Variants in SGCD observed in about 807,000 individuals in gnomAD.
SGCD encodes delta-sarcoglycan.
SGCD carries 18 observed loss-of-function variants against 36.6 expected under a neutral mutation model. The ratio of observed to expected loss-of-function variants is 0.49; its 90% CI spans 0.34 to 0.73. The LOEUF is 0.73. Among genes scored for constraint, SGCD ranks in the 30% least tolerant of loss-of-function variants. The pLI is 0.01. For missense variants in SGCD, 387 were observed against 346.7 expected (o/e 1.12, Z -0.92); for synonymous variants, 133 against 130.6 (o/e 1.02, Z -0.12).
chr5:156,083,316 T>C (rs1761009324), intron 1 of SGCD, among the ~76,000 whole-genome samples: 1 of 151,918 alleles, frequency 6.6e-6, no homozygotes, highest in Non-Finnish European at 1.5e-5. Flanking sequence ...TTCTTTTTTT[T>C]GGAGTTTCGC....
intron 3 of SGCD, among the ~76,000 whole-genome samples, chr5:156,155,213 C>T (rs761801984): frequency 1.7e-4 from 25 of 151,498 alleles, no homozygotes; most frequent in South Asian, 4.2e-4. Flanking sequence ...TCTATCTATC[C>T]GTCCATCTGT....
chr5:156,090,879 C>T (rs1303685671), intron 1 of SGCD, among the ~76,000 whole-genome samples: 1 of 152,196 alleles, frequency 6.6e-6, no homozygotes, highest in Non-Finnish European at 1.5e-5. Context: ...TGTTTATAGG[C>T]TCCCTGCCAG....
chr5:155,995,380 A>C (rs1240257989), intron 1 of SGCD, among the ~76,000 whole-genome samples: 2 of 152,210 alleles, frequency 1.3e-5, no homozygotes, highest in East Asian at 3.9e-4. Flanking sequence ...CAAATAGAAT[A>C]GGAGGTAAAT....
At chr5:156,397,257 C>T (rs751653611) in intron 3 of SGCD, among the ~76,000 whole-genome samples, 6 of 152,040 alleles carry the variant, frequency 3.9e-5, no homozygotes, top group African/African-American at 9.7e-5. Context: ...TTAGGGCAGT[C>T]GGTCTGCAAA....
At chr5:155,899,802 C>CTT in intron 1 of SGCD, among the ~76,000 whole-genome samples, 1 of 151,956 alleles carries the variant, frequency 6.6e-6, no homozygotes, top group East Asian at 1.9e-4. Context: ...TATAGGAGAG[C>CTT]TATTGTAAAT....
chr5:156,670,979 C>G (rs966321300), intron 7 of SGCD, among the ~76,000 whole-genome samples: 3 of 151,796 alleles, frequency 2.0e-5, no homozygotes, highest in African/African-American at 7.3e-5. Flanking sequence ...GTATTTCTTC[C>G]TCTGCCCTTT....
intron 1 of SGCD, among the ~76,000 whole-genome samples, chr5:155,945,169 T>C (rs1480340069): frequency 6.6e-6 from 1 of 152,198 alleles, no homozygotes; most frequent in Non-Finnish European, 1.5e-5. Context: ...GTCTGTGTTA[T>C]TGGATACATT....
At chr5:156,603,080 T>A (rs780319090) in intron 6 of SGCD, among the ~76,000 whole-genome samples, 1 of 152,122 alleles carries the variant, frequency 6.6e-6, no homozygotes, top group Non-Finnish European at 1.5e-5. Flanking sequence ...TGGGCTTTTC[T>A]TTGATGGAAG....
intron 3 of SGCD, among the ~76,000 whole-genome samples, chr5:156,368,656 C>G (rs1216270232): frequency 6.6e-6 from 1 of 152,154 alleles, no homozygotes; most frequent in East Asian, 1.9e-4. Context: ...ACCACCTGAG[C>G]TCCATCTCCT....
intron 3 of SGCD, among the ~76,000 whole-genome samples, chr5:156,265,843 T>A (rs1245469875): frequency 1.3e-5 from 2 of 152,082 alleles, no homozygotes; most frequent in African/African-American, 4.8e-5. Flanking sequence ...AATGGAGATA[T>A]CCTGGGATAT....
chr5:156,408,925 G>A (rs1772586333), intron 3 of SGCD, among the ~76,000 whole-genome samples: 1 of 152,112 alleles, frequency 6.6e-6, no homozygotes, highest in African/African-American at 2.4e-5. Flanking sequence ...GGGGGTAATA[G>A]CCCCTCTTTG....
chr5:156,739,218 C>T (rs1231447675), intron 7 of SGCD, among the ~76,000 whole-genome samples: 1 of 151,788 alleles, frequency 6.6e-6, no homozygotes, highest in African/African-American at 2.4e-5. Flanking sequence ...AGAATCATAC[C>T]AAGAAGGGAA....
intron 1 of SGCD, among the ~76,000 whole-genome samples, chr5:156,071,302 A>G (rs1760553896): frequency 1.3e-5 from 2 of 152,094 alleles, no homozygotes; most frequent in Non-Finnish European, 2.9e-5. Context: ...ACTGCTTTGA[A>G]TGTGTCCCAG....
chr5:155,798,712 G>A, the SGCD span, among the ~76,000 whole-genome samples: 4 of 152,248 alleles, frequency 2.6e-5, no homozygotes, highest in Admixed American at 2.0e-4. Flanking sequence ...AAACAGCAGT[G>A]TCAAAGATGC....
chr5:156,503,930 A>C (rs1756571397), intron 3 of SGCD, among the ~76,000 whole-genome samples: 4 of 152,090 alleles, frequency 2.6e-5, no homozygotes, highest in Non-Finnish European at 2.9e-5. Context: ...CAGCCCAGTC[A>C]TGGTGGCTCA....
intron 1 of SGCD, among the ~76,000 whole-genome samples, chr5:156,025,996 A>G (rs937335968): frequency 3.9e-5 from 6 of 152,234 alleles, no homozygotes; most frequent in Non-Finnish European, 8.8e-5. Flanking sequence ...TGACATCATT[A>G]TCTATAAAGT....
At chr5:156,641,210 T>A (rs1037415710) in intron 6 of SGCD, among the ~76,000 whole-genome samples, 3 of 152,232 alleles carry the variant, frequency 2.0e-5, no homozygotes, top group Admixed American at 1.3e-4. Context: ...CATAACTCAC[T>A]CTTCTACAAC....
the SGCD span, among the ~76,000 whole-genome samples, chr5:155,733,546 A>T: frequency 2.0e-5 from 3 of 152,104 alleles, no homozygotes; most frequent in Non-Finnish European, 4.4e-5. Flanking sequence ...TGATACATGT[A>T]TTTTAAATAA....
intron 1 of SGCD, among the ~76,000 whole-genome samples, chr5:156,030,792 G>A (rs1158715598): frequency 6.6e-6 from 1 of 152,024 alleles, no homozygotes; most frequent in Non-Finnish European, 1.5e-5. Context: ...AAGGTGCAAA[G>A]GAAGAAGAAA....
Sources: allele counts gnomAD v4.1 joint callset (sites outside exome capture counted in the v4.1 genomes callset), GRCh38; gene constraint gnomAD v4.1.1; transcripts MANE v1.5; gene names NCBI Gene and HGNC (gene_info 2026-07-23, HGNC 2026-07-21).